ADA: variants seen among roughly 807,000 people sequenced by gnomAD.
ADA encodes the protein adenosine deaminase.
ADA carries 45 observed loss-of-function variants against 49.0 expected under a neutral mutation model. The ratio of observed to expected loss-of-function variants is 0.92; its 90% CI spans 0.72 to 1.18. The LOEUF (loss-of-function observed/expected upper bound fraction) is 1.18. Among genes scored for constraint, ADA ranks in the 50% most tolerant of loss-of-function variants. ADA has a pLI of 0.00. For missense variants in ADA, 445 were observed against 472.5 expected (o/e 0.94, Z 0.54); for synonymous variants, 173 against 184.2 (o/e 0.94, Z 0.49).
At chr20:44,645,321 G>C (rs542680308) in intron 1 of ADA, among the ~76,000 whole-genome samples, 2 of 140,890 alleles carry the variant, frequency 1.4e-5, no homozygotes, top group Admixed American at 7.5e-5. Flanking sequence ...TCGTGCCACT[G>C]CACTCCAGCT....
chr20:44,643,996 C>T (rs58116673), intron 1 of ADA, among the ~76,000 whole-genome samples: 21,565 of 151,620 alleles, frequency 0.14, 1,921 homozygotes, highest in African/African-American at 0.25. Context: ...CCATGAGGAC[C>T]CAGGTCTTGG....
At chr20:44,621,260 A>T in intron 9 of ADA, 113 bp from the exon 10 acceptor site, 13 of 1,333,256 alleles carry the variant, frequency 9.8e-6, no homozygotes, top group South Asian at 1.2e-5. Context: ...AACAGATCTG[A>T]AAGATCTGAT....
chr20:44,631,641 C>T (rs531230649), intron 2 of ADA, among the ~76,000 whole-genome samples: 5 of 152,320 alleles, frequency 3.3e-5, no homozygotes, highest in Non-Finnish European at 7.3e-5. Flanking sequence ...CCCTCCAGCC[C>T]CCAGAACTCC....
chr20:44,638,875 C>A (rs6031686), intron 1 of ADA, among the ~76,000 whole-genome samples: 1 of 152,140 alleles, frequency 6.6e-6, no homozygotes, highest in Non-Finnish European at 1.5e-5. Flanking sequence ...GAGGAACCCA[C>A]AACACAAGGC....
intron 2 of ADA, among the ~76,000 whole-genome samples, chr20:44,631,995 G>C (rs1204546764): frequency 1.3e-5 from 2 of 152,104 alleles, no homozygotes; most frequent in African/African-American, 4.8e-5. Context: ...GCGCCTCCCC[G>C]TGCCCAGCAC....
chr20:44,649,432 C>A lies in ADA; in HGVS notation c.33+2143G>T, dbSNP rs537507888. 9.2e-5 allele frequency among the ~76,000 whole-genome samples: 14 copies of A among 152,162 alleles called. No homozygotes were observed. In the East Asian group the frequency reaches 2.7e-3, roughly 29 times the overall value. ...CACATGGCAGGTAACATTCTACCTT[C>A]ACTCTCAAGCATCACCTTGTGGCCT... On this transcript the variant is annotated intron_variant, in intron 1 of 11. Coordinates refer to ENST00000372874, the MANE Select transcript of ADA (RefSeq NM_000022.4).
chr20:44,640,238 A>C (rs1000158775), intron 1 of ADA, among the ~76,000 whole-genome samples: 4 of 151,956 alleles, frequency 2.6e-5, no homozygotes, highest in African/African-American at 9.7e-5. Context: ...ACATGGTGAA[A>C]TCCCCTCTCT....
chr20:44,638,865 G>A (rs946964726), intron 1 of ADA, among the ~76,000 whole-genome samples: 4 of 152,228 alleles, frequency 2.6e-5, no homozygotes, highest in African/African-American at 7.2e-5. Flanking sequence ...AGAGGATAGC[G>A]AGGAACCCAC....
Position 44,626,517 on chromosome 20 carries a change from G to A in ADA, c.301C>T (p.Arg101Trp), listed in dbSNP as rs121908717. Residue 101 changes from arginine to tryptophan, a missense_variant, in exon 4 of 12, where the codon CGG becomes TGG. Physicochemically the swap from Arg to Trp is moderately radical, Grantham distance 101. Transcript: ENST00000372874. Reference sequence around the variant, plus strand: ...TTGGCCAGCAGGTGCGGACTGTACCGCACCTCCACATACACCACGCCCTCT... The same window carrying A: ...TTGGCCAGCAGGTGCGGACTGTACCACACCTCCACATACACCACGCCCTCT... Reference protein sequence around the residue: ...AKEGVVYVEVRYSPHLLANSK... With the variant: ...AKEGVVYVEVWYSPHLLANSK... The A allele has an allele frequency of 2.5e-5, 41 of 1,614,008 alleles. No individual in the cohort carries two copies. Among genetic ancestry groups the A allele is most frequent in the Non-Finnish European group, 3.3e-5 (39 of 1,180,024 alleles).
intron 6 of ADA, chr20:44,623,880 T>TG: frequency 5.0e-6 from 2 of 400,442 alleles, no homozygotes. Context: ...CCCAAGTAGC[T>TG]GGGACTACAG....
chr20:44,623,983 G>A (rs1432249676), intron 6 of ADA: 2 of 590,052 alleles, frequency 3.4e-6, no homozygotes, highest in Non-Finnish European at 6.2e-6. Flanking sequence ...CTAGGCTCAA[G>A]CAATCCTCCT....
chr20:44,626,637 C>T, intron 3 of ADA, 38 bp from the exon 4 acceptor site: 2 of 1,612,426 alleles, frequency 1.2e-6, no homozygotes, highest in Non-Finnish European at 1.7e-6. Flanking sequence ...CAACCTTCCC[C>T]AAGTCCCTTG....
chr20:44,624,733 A>G (rs1294608721), intron 5 of ADA, among the ~76,000 whole-genome samples: 2 of 152,268 alleles, frequency 1.3e-5, no homozygotes, highest in Non-Finnish European at 1.5e-5. Context: ...CATCTAAAAT[A>G]GAACTCACAC....
chr20:44,626,365 T>G, intron 4 of ADA, 91 bp downstream of exon 4: 2 of 1,583,616 alleles, frequency 1.3e-6, no homozygotes, highest in Non-Finnish European at 1.7e-6. Flanking sequence ...CTTGCTTGGG[T>G]CAGGGATTCC....
At chr20:44,651,380 C>T (rs971802557) in intron 1 of ADA, among the ~76,000 whole-genome samples, 195 bp downstream of exon 1, 1 of 152,232 alleles carries the variant, frequency 6.6e-6, no homozygotes, top group African/African-American at 2.4e-5. Flanking sequence ...TGGAGGCCTC[C>T]GGGTTCTGGA....
In ADA at chr20:44,621,904, C is replaced by T. The variant is rs73615497; in HGVS notation, c.845+684G>A. Among the ~76,000 whole-genome samples, 4 of 152,290 alleles carry T rather than the reference C, an allele frequency of 2.6e-5. No individual in the cohort carries two copies. In the East Asian group the frequency reaches 7.7e-4, roughly 29 times the overall value. On this transcript the variant is annotated intron_variant, in intron 9 of 11. Coordinates refer to ENST00000372874, the MANE Select transcript of ADA (RefSeq NM_000022.4). ...CCTCCAAGAACCTCCACAGGTGCCACGTGTCCCTAAGGCAAGCCCCAAGAC... is the reference window on the plus strand; with the variant it reads ...CCTCCAAGAACCTCCACAGGTGCCATGTGTCCCTAAGGCAAGCCCCAAGAC...
intron 1 of ADA, 32 bp from the exon 2 acceptor site, chr20:44,636,320 A>C: frequency 6.5e-7 from 1 of 1,538,566 alleles, no homozygotes; most frequent in Admixed American, 1.8e-5. Flanking sequence ...AGAGAGAGAA[A>C]GGGAGAGAGA....
chr20:44,625,681 C>A lies in ADA; in HGVS notation c.366G>T (p.Gly122=). 1 of 1,559,246 alleles carries A rather than the reference C, an allele frequency of 6.4e-7. No individual in the cohort carries two copies. Among genetic ancestry groups the A allele is most frequent in the Non-Finnish European group, 8.7e-7 (1 of 1,150,808 alleles). ...CCACCACCTCGTCTGGGGTGAGGTCCCCTCTGTGTGAGGAGAGGAGTAGGG... is the reference window on the plus strand; with the variant it reads ...CCACCACCTCGTCTGGGGTGAGGTCACCTCTGTGTGAGGAGAGGAGTAGGG... ...VEPIPWNQAE[G]DLTPDEVVAL... The change falls in exon 5 of 12, where the codon GGG becomes GGT. Residue 122 remains glycine (G), a synonymous_variant. Coordinates refer to ENST00000372874, the MANE Select transcript of ADA (RefSeq NM_000022.4).
intron 1 of ADA, among the ~76,000 whole-genome samples, chr20:44,639,703 G>A (rs556297606): frequency 5.9e-5 from 9 of 152,152 alleles, no homozygotes; most frequent in Admixed American, 1.3e-4. Flanking sequence ...GTGAACCATC[G>A]TGCCCAGCCA....
Sources: gnomAD v4.1 joint callset for allele counts (sites outside exome capture counted in the v4.1 genomes callset) on GRCh38, gnomAD v4.1.1 for gene constraint, MANE v1.5 for transcripts, NCBI Gene and HGNC (gene_info 2026-07-23, HGNC 2026-07-21) for gene names.